Variants in ZNF532 observed in about 807,000 individuals in gnomAD.
ZNF532 encodes the protein zinc finger protein 532.
A neutral mutation model predicts 89.3 loss-of-function variants in ZNF532; 22 were observed. The observed-to-expected ratio is 0.25, with a 90% CI of 0.18 to 0.35. The LOEUF is 0.35. Among genes scored for constraint, ZNF532 ranks in the 10% least tolerant of loss-of-function variants. The probability of loss-of-function intolerance (pLI) is 1.00; values close to 1 mark genes in which losing one functional copy is unlikely to be tolerated. For synonymous variants in ZNF532, 606 were observed against 649.6 expected (o/e 0.93, Z 1.02); for missense variants, 1,132 against 1,643.4 (o/e 0.69, Z 5.38).
intron 2 of ZNF532, among the ~76,000 whole-genome samples, chr18:58,913,635 A>T (rs1044895352): frequency 1.3e-5 from 2 of 152,024 alleles, no homozygotes; most frequent in African/African-American, 4.8e-5. Context: ...TTATTTTTTT[A>T]AAAATTCAGC....
intron 5 of ZNF532, 71 bp from the exon 6 acceptor site, chr18:58,947,996 G>C: frequency 2.7e-6 from 4 of 1,464,910 alleles, no homozygotes; most frequent in Non-Finnish European, 3.7e-6. Flanking sequence ...AAGTTCTTCA[G>C]CTATAAAGTA....
chr18:58,946,116 C>T (rs569523140), intron 5 of ZNF532, among the ~76,000 whole-genome samples: 16 of 152,248 alleles, frequency 1.1e-4, no homozygotes, highest in Non-Finnish European at 1.8e-4. Flanking sequence ...AATACATATA[C>T]TATCATCCAG....
rs1222966948 is a variant in ZNF532 at position 58,864,944 on chromosome 18, C to G, written c.-569C>G. On this transcript the variant is annotated 5_prime_UTR_variant, in exon 1 of 10. Transcript: ENST00000591808. The stretch of plus-strand genomic sequence containing the variant: ...AGGAGCTTGCAGGAAGGTACCATCC[C>G]TACACAGTATGTGAATGCACACTTA... 1 of 152,268 alleles carries G rather than the reference C, an allele frequency of 6.6e-6. No individual in the cohort carries two copies. Among genetic ancestry groups the G allele is most frequent in the Non-Finnish European group, 1.5e-5 (1 of 68,082 alleles). The allele number at this position is 152,268 out of a possible 1,614,324, so 9.4% of individuals were successfully genotyped here.
chr18:58,954,173 A>G (rs761616482), intron 7 of ZNF532: 2 of 979,074 alleles, frequency 2.0e-6, no homozygotes, highest in Non-Finnish European at 2.4e-6. Context: ...AGACAGTGGA[A>G]ATGTTGAACA....
chr18:58,955,346 T>C (rs2064660157), intron 7 of ZNF532, among the ~76,000 whole-genome samples: 1 of 152,234 alleles, frequency 6.6e-6, no homozygotes, highest in South Asian at 2.1e-4. Context: ...TACCAGCTTG[T>C]CTCATTTGTA....
intron 4 of ZNF532, among the ~76,000 whole-genome samples, chr18:58,937,760 A>T (rs1476732446): frequency 6.6e-6 from 1 of 152,214 alleles, no homozygotes; most frequent in East Asian, 1.9e-4. Context: ...GCTAAAAATG[A>T]TCTATTTTAA....
At chr18:58,906,054 G>A (rs553641120) in intron 2 of ZNF532, among the ~76,000 whole-genome samples, 2 of 152,176 alleles carry the variant, frequency 1.3e-5, no homozygotes, top group East Asian at 3.9e-4. Context: ...CATACTGTCC[G>A]TGTAACTTAC....
intron 7 of ZNF532, among the ~76,000 whole-genome samples, chr18:58,962,093 G>C (rs894105536): frequency 6.6e-6 from 1 of 152,142 alleles, no homozygotes; most frequent in East Asian, 1.9e-4. Context: ...GGGCATGGTG[G>C]CGGGCATCTG....
intron 7 of ZNF532, among the ~76,000 whole-genome samples, chr18:58,977,261 T>A (rs962481276): frequency 2.0e-5 from 3 of 152,220 alleles, no homozygotes; most frequent in African/African-American, 7.2e-5. Context: ...AACTTGACTA[T>A]TACAAGAGCA....
At chr18:58,890,783 C>T (rs928461278) in intron 2 of ZNF532, among the ~76,000 whole-genome samples, 1 of 151,834 alleles carries the variant, frequency 6.6e-6, no homozygotes, top group African/African-American at 2.4e-5. Flanking sequence ...CTTCCTCTTC[C>T]TCAGACCTCT....
chr18:58,877,174 T>A (rs1360431887), intron 2 of ZNF532, among the ~76,000 whole-genome samples: 1 of 152,220 alleles, frequency 6.6e-6, no homozygotes, highest in Non-Finnish European at 1.5e-5. Context: ...CCCCCTTGCC[T>A]GATGAGGAAT....
chr18:58,919,094 C>T lies in ZNF532; in HGVS notation c.807C>T (p.Ser269=), dbSNP rs2060826980. The T allele has an allele frequency of 1.9e-6, 3 of 1,614,226 alleles. No homozygotes were observed. Among genetic ancestry groups the T allele is most frequent in the Non-Finnish European group, 2.5e-6 (3 of 1,180,050 alleles). Residue 269 remains serine, a synonymous_variant, in exon 3 of 10, where the codon TCC becomes TCT. Coordinates refer to ENST00000591808, the MANE Select transcript of ZNF532 (RefSeq NM_001375912.1). The surrounding 1 kb of genome is among the most constrained non-coding windows in gnomAD (Gnocchi z 6.1). Reference sequence around the variant, plus strand: ...CAAAGTCGTCCTCCAAGCTCTCGTCCTGCATCGCTGCCATCGCGGCTCTCA... The same window carrying T: ...CAAAGTCGTCCTCCAAGCTCTCGTCTTGCATCGCTGCCATCGCGGCTCTCA... ...SKTKSSSKLS[S]CIAAIAALSA...
At chr18:58,936,413 T>C (rs1257739102) in intron 4 of ZNF532, among the ~76,000 whole-genome samples, 1 of 152,240 alleles carries the variant, frequency 6.6e-6, no homozygotes, top group Non-Finnish European at 1.5e-5. Context: ...TGTTTAGTTT[T>C]TCTAATAGAA....
chr18:58,975,140 T>TA (rs1172626127), intron 7 of ZNF532, among the ~76,000 whole-genome samples: 1 of 152,214 alleles, frequency 6.6e-6, no homozygotes, highest in Admixed American at 6.5e-5. Context: ...TGCTGTGCTA[T>TA]ATTTAAATCA....
intron 2 of ZNF532, among the ~76,000 whole-genome samples, chr18:58,911,140 G>C (rs544026765): frequency 6.6e-6 from 1 of 152,338 alleles, no homozygotes; most frequent in South Asian, 2.1e-4. Context: ...TGGAGAACTT[G>C]AGCCATGAAG....
intron 7 of ZNF532, among the ~76,000 whole-genome samples, chr18:58,978,089 A>G (rs1277153103): frequency 6.6e-6 from 1 of 152,226 alleles, no homozygotes; most frequent in South Asian, 2.1e-4. Flanking sequence ...AAGGTTCTGC[A>G]TGGAAATATA....
At chr18:58,951,694 A>G (rs537250122) in intron 6 of ZNF532, among the ~76,000 whole-genome samples, 179 of 120,022 alleles carry the variant, frequency 1.5e-3, no homozygotes, top group Non-Finnish European at 2.3e-3. Flanking sequence ...CCGTCGCCCA[A>G]GCTGGAGTGC....
chr18:58,902,495 CTT>C (rs1325440125), intron 2 of ZNF532, among the ~76,000 whole-genome samples: 14 of 142,040 alleles, frequency 9.9e-5, no homozygotes, highest in Non-Finnish European at 1.1e-4. Flanking sequence ...CCTTCTCCTT[CTT>C]TTTTTTTTTT....
rs1020766470 is a variant in ZNF532, at chr18:58,869,767, T to G, written c.-18+4188T>G. Among the ~76,000 whole-genome samples the G allele has an allele frequency of 1.1e-3, 163 of 149,024 alleles. 1 individual carries two copies. Among genetic ancestry groups the G allele is most frequent in the African/African-American group, 3.9e-3 (157 of 40,348 alleles). ...TGGAAGATTTTGGAAGATCTGTTTT[T>G]TTTTTTTTTTTTTTTTGGAGTTGGA... On this transcript the variant is annotated intron_variant, in intron 2 of 9. Transcript: ENST00000591808.
Sources: allele counts gnomAD v4.1 joint callset (sites outside exome capture counted in the v4.1 genomes callset), GRCh38; gene constraint gnomAD v4.1.1; non-coding constraint Gnocchi (gnomAD v3.1); transcripts MANE v1.5; gene names NCBI Gene and HGNC (gene_info 2026-07-23, HGNC 2026-07-21).